PKNOX2: variants seen among roughly 807,000 people sequenced by gnomAD.
PKNOX2 encodes the protein homeobox protein PKNOX2.
A neutral mutation model predicts 53.1 loss-of-function variants in PKNOX2; 14 were observed. The observed-to-expected ratio is 0.26, with a 90% confidence interval of 0.17 to 0.41. The LOEUF is 0.41. PKNOX2 is among the 10% of genes least tolerant of loss of function. The pLI, the probability that PKNOX2 is intolerant of heterozygous loss-of-function variation, is 1.00. For synonymous variants in PKNOX2, 257 were observed against 242.8 expected (o/e 1.06, Z -0.54); for missense variants, 496 against 602.8 (o/e 0.82, Z 1.85).
intron 1 of PKNOX2, among the ~76,000 whole-genome samples, chr11:125,230,223 G>A (rs1002280568): frequency 6.6e-6 from 1 of 152,202 alleles, no homozygotes; most frequent in African/African-American, 2.4e-5. Flanking sequence ...CCTCAGTGCT[G>A]GATGCATAAG....
chr11:125,328,477 G>A (rs935891200), intron 2 of PKNOX2, among the ~76,000 whole-genome samples: 5 of 151,900 alleles, frequency 3.3e-5, no homozygotes, highest in Non-Finnish European at 7.4e-5. Context: ...CTTAATATAT[G>A]GGGACTAAAT....
At chr11:125,220,440 T>A (rs1350747993) in intron 1 of PKNOX2, among the ~76,000 whole-genome samples, 3 of 152,144 alleles carry the variant, frequency 2.0e-5, no homozygotes, top group Non-Finnish European at 4.4e-5. Context: ...GAGAAGTCTT[T>A]TTTAGGCATG....
rs1047374222 is a variant in PKNOX2 at position 125,352,539 on chromosome 11, C to T, written c.87+1147C>T. On this transcript the variant is annotated intron_variant, in intron 4 of 12. Coordinates refer to ENST00000298282, the MANE Select transcript of PKNOX2 (RefSeq NM_001382323.2). The surrounding 1 kb of genome is among the most constrained non-coding windows in gnomAD (Gnocchi z 4.1). ...TTAAGATGCAGATGCCAGGCTTGTG[C>T]TCACTATGGCCCTGATGCCTCCAGC... Among the ~76,000 whole-genome samples the T allele has an allele frequency of 2.0e-5, 3 of 152,216 alleles. No individual in the cohort carries two copies. The highest frequency in any genetic ancestry group is 7.2e-5 in the African/African-American group (3 of 41,450).
At position 125,385,564 on chromosome 11, in the gene PKNOX2, C is replaced by A. The variant is rs1289203372; in HGVS notation, c.241C>A (p.Pro81Thr). Reference protein sequence around the residue: ...KRAVYRHPLFPLLTLLFEKCE... With the variant: ...KRAVYRHPLFTLLTLLFEKCE... ...ATGTCCCTGCAGGCACCCTCTTTTC[C>A]CGCTCCTGACGCTGCTGTTTGAGAA... is the stretch of plus-strand genomic sequence containing the variant. The change falls in exon 6 of 13, where the codon CCG becomes ACG. Residue 81 changes from proline (P) to threonine (T), a missense_variant. Coordinates refer to ENST00000298282, the MANE Select transcript of PKNOX2 (RefSeq NM_001382323.2). The A allele has an allele frequency of 6.2e-7, 1 of 1,608,980 alleles. No homozygotes were observed.
chr11:125,408,181 C>T (rs758426447), intron 7 of PKNOX2, among the ~76,000 whole-genome samples: 51 of 152,194 alleles, frequency 3.4e-4, no homozygotes, highest in Non-Finnish European at 3.5e-4. Flanking sequence ...AAGTCCCAGG[C>T]ATCTCTAAAC....
chr11:125,254,067 G>A (rs1006834986), intron 2 of PKNOX2, among the ~76,000 whole-genome samples: 37 of 152,128 alleles, frequency 2.4e-4, no homozygotes, highest in African/African-American at 6.3e-4. Context: ...ACTGAAGAGC[G>A]CGCACACCAG....
Position 125,362,041 on chromosome 11 carries a change from G to A in PKNOX2, c.88-5805G>A, listed in dbSNP as rs190554875. Among the ~76,000 whole-genome samples, 5 of 152,298 alleles carry A rather than the reference G, an allele frequency of 3.3e-5. No homozygotes were observed. In the East Asian group the frequency reaches 5.8e-4, roughly 18 times the overall value. On this transcript the variant is annotated intron_variant, in intron 4 of 12. Coordinates refer to ENST00000298282, the MANE Select transcript of PKNOX2 (RefSeq NM_001382323.2). ...ATTGTTGGGAGAATGATTTGAACTC[G>A]TAGGGGAGAGGTTTGTTGAGGGAGA...
intron 2 of PKNOX2, among the ~76,000 whole-genome samples, chr11:125,315,613 G>A (rs1949131933): frequency 2.6e-5 from 4 of 152,204 alleles, no homozygotes; most frequent in Admixed American, 6.5e-5. Flanking sequence ...AGGGCTGGGA[G>A]GGCTGAGTGC....
chr11:125,386,787 A>G (rs1258888509), intron 6 of PKNOX2, among the ~76,000 whole-genome samples: 1 of 150,384 alleles, frequency 6.6e-6, no homozygotes, highest in East Asian at 2.0e-4. Flanking sequence ...TGGCTTTGGT[A>G]TTCTGTGCTG....
At chr11:125,195,827 T>C (rs1937611262) in intron 1 of PKNOX2, among the ~76,000 whole-genome samples, 1 of 151,356 alleles carries the variant, frequency 6.6e-6, no homozygotes, top group African/African-American at 2.4e-5. Flanking sequence ...GTTTGTGCGA[T>C]GGCCTCCTTG....
intron 10 of PKNOX2, among the ~76,000 whole-genome samples, chr11:125,423,782 A>G (rs1956281287): frequency 6.6e-6 from 1 of 152,128 alleles, no homozygotes; most frequent in Admixed American, 6.5e-5. Context: ...CTTATCAGGG[A>G]TGGGGATGGG....
chr11:125,365,350 TAG>T, intron 4 of PKNOX2, among the ~76,000 whole-genome samples: 1 of 152,004 alleles, frequency 6.6e-6, no homozygotes, highest in Non-Finnish European at 1.5e-5. Flanking sequence ...CAGCTAGCAT[TAG>T]TTTAGGTTGG....
intron 1 of PKNOX2, among the ~76,000 whole-genome samples, chr11:125,167,568 G>T (rs896698270): frequency 6.6e-6 from 1 of 152,216 alleles, no homozygotes; most frequent in African/African-American, 2.4e-5. Context: ...AGGGGCAGGG[G>T]GTTACCGGAG....
intron 2 of PKNOX2, among the ~76,000 whole-genome samples, chr11:125,276,079 GT>G (rs1157696988): frequency 6.6e-6 from 1 of 152,108 alleles, no homozygotes; most frequent in Non-Finnish European, 1.5e-5. Flanking sequence ...GGAGGAGAAA[GT>G]TTTTTGAGAT....
chr11:125,431,021 G>A (rs1284912729), intron 12 of PKNOX2, 145 bp from the exon 13 acceptor site: 2 of 1,416,086 alleles, frequency 1.4e-6, no homozygotes, highest in African/African-American at 2.9e-5. Flanking sequence ...TTCATACCAG[G>A]GCATTGTCCA....
chr11:125,220,983 G>A (rs762605126), intron 1 of PKNOX2, among the ~76,000 whole-genome samples: 3 of 152,006 alleles, frequency 2.0e-5, no homozygotes, highest in Non-Finnish European at 4.4e-5. Flanking sequence ...GTGAAACCCC[G>A]ACTCTACTAG....
intron 5 of PKNOX2, among the ~76,000 whole-genome samples, chr11:125,371,622 G>T (rs1952552986): frequency 6.6e-6 from 1 of 152,178 alleles, no homozygotes; most frequent in South Asian, 2.1e-4. Context: ...CGGAAGAGGG[G>T]CAGGAGCTAG....
intron 10 of PKNOX2, among the ~76,000 whole-genome samples, chr11:125,424,950 G>A (rs551461207): frequency 6.6e-6 from 1 of 152,342 alleles, no homozygotes; most frequent in South Asian, 2.1e-4. Context: ...AGAGAGATGG[G>A]AAAGAGTTGA....
At chr11:125,188,682 C>T (rs1327567544) in intron 1 of PKNOX2, among the ~76,000 whole-genome samples, 1 of 152,114 alleles carries the variant, frequency 6.6e-6, no homozygotes, top group East Asian at 1.9e-4. Flanking sequence ...TGGTAATCAA[C>T]ACTCTCAGGG....
Sources: allele counts gnomAD v4.1 joint callset (sites outside exome capture counted in the v4.1 genomes callset), GRCh38; gene constraint gnomAD v4.1.1; non-coding constraint Gnocchi (gnomAD v3.1); transcripts MANE v1.5; gene names NCBI Gene and HGNC (gene_info 2026-07-23, HGNC 2026-07-21).